SLC1A1: variants seen among roughly 807,000 people sequenced by gnomAD.
The protein encoded by SLC1A1 is solute carrier family 1 member 1.
A neutral mutation model predicts 53.3 loss-of-function variants in SLC1A1; 43 were observed. The ratio of observed to expected loss-of-function variants is 0.81; its 90% CI spans 0.63 to 1.04. SLC1A1 has a LOEUF of 1.04. SLC1A1 is among the 50% of genes least tolerant of loss of function. The pLI is 0.00. For synonymous variants in SLC1A1, 307 were observed against 243.2 expected (o/e 1.26, Z -2.44); for missense variants, 748 against 664.9 (o/e 1.12, Z -1.37).
chr9:4,575,982 T>A lies in SLC1A1; in HGVS notation c.876-19T>A, dbSNP rs373186368. 1.8e-5 allele frequency: 29 copies of A among 1,613,212 alleles called. No individual in the cohort carries two copies. Among genetic ancestry groups the A allele is most frequent in the Non-Finnish European group, 2.5e-5 (29 of 1,179,252 alleles). On this transcript the variant is annotated intron_variant, in intron 8 of 11. Transcript: ENST00000262352. ...GTGGTATTATCTTTGAAACTTTAATTTCTCTTTCTTGTTTACAGGCTTGCA... is the reference window on the plus strand; with the variant it reads ...GTGGTATTATCTTTGAAACTTTAATATCTCTTTCTTGTTTACAGGCTTGCA...
rs868772579 is a variant in SLC1A1 at position 4,537,588 on chromosome 9, T to A, written c.92-6979T>A. ...CTCAAAAAAATAAAATAAAATAAAA[T>A]AAAATAAAATAAAAAAAAAAAAAAT... On this transcript the variant is annotated intron_variant, in intron 1 of 11. Coordinates refer to ENST00000262352, the MANE Select transcript of SLC1A1 (RefSeq NM_004170.6). Among the ~76,000 whole-genome samples, 46 of 22,836 alleles carry A rather than the reference T, an allele frequency of 2.0e-3. 6 individuals are homozygous for A. Among genetic ancestry groups the A allele is most frequent in the African/African-American group, 2.8e-3 (15 of 5,298 alleles). 15.0% of individuals were successfully genotyped at this position (22,836 alleles called of 152,430 possible). A position where few individuals can be genotyped will look rare whatever the true frequency, so the allele number is the denominator to read the frequency against.
chr9:4,585,170 G>A, intron 11 of SLC1A1, 142 bp from the exon 12 acceptor site: 2 of 1,071,300 alleles, frequency 1.9e-6, no homozygotes, highest in Non-Finnish European at 1.4e-6. Context: ...CCTGTGAGGA[G>A]CCTTCAGTCA....
At chr9:4,510,764 T>C (rs560074333) in intron 1 of SLC1A1, among the ~76,000 whole-genome samples, 46 of 152,336 alleles carry the variant, frequency 3.0e-4, no homozygotes, top group African/African-American at 9.4e-4. Flanking sequence ...AACTCAGCCC[T>C]GAGTCAGAGC....
At chr9:4,527,667 T>C (rs1056543500) in intron 1 of SLC1A1, among the ~76,000 whole-genome samples, 1 of 152,182 alleles carries the variant, frequency 6.6e-6, no homozygotes, top group Admixed American at 6.5e-5. Context: ...TCTAAGCTTA[T>C]ATTACAAAAA....
intron 2 of SLC1A1, chr9:4,553,782 C>T (rs1818141650): frequency 6.6e-6 from 1 of 152,170 alleles, no homozygotes; most frequent in African/African-American, 2.4e-5. Flanking sequence ...TTAACATCAC[C>T]AAATAGCCTA....
intron 1 of SLC1A1, among the ~76,000 whole-genome samples, chr9:4,517,103 A>G (rs1319282906): frequency 6.6e-6 from 1 of 152,190 alleles, no homozygotes; most frequent in Non-Finnish European, 1.5e-5. Flanking sequence ...TAAATAAAAT[A>G]ACGTATTATA....
At chr9:4,555,042 T>C (rs896041417) in intron 2 of SLC1A1, among the ~76,000 whole-genome samples, 8 of 152,328 alleles carry the variant, frequency 5.3e-5, no homozygotes, top group African/African-American at 1.9e-4. Context: ...TCCTCACAAT[T>C]AACCTAAAGG....
chr9:4,508,612 A>G (rs1157265219), intron 1 of SLC1A1, among the ~76,000 whole-genome samples: 1 of 152,184 alleles, frequency 6.6e-6, no homozygotes, highest in East Asian at 1.9e-4. Flanking sequence ...GTTACTGGAG[A>G]GACTGTTTAT....
chr9:4,492,064 C>T (rs1444027819), intron 1 of SLC1A1, among the ~76,000 whole-genome samples: 4 of 152,122 alleles, frequency 2.6e-5, no homozygotes, highest in Non-Finnish European at 4.4e-5. Flanking sequence ...ATGGCCCTAG[C>T]AGAGGCTATT....
At chr9:4,567,973 T>A (rs1819646918) in intron 6 of SLC1A1, among the ~76,000 whole-genome samples, 1 of 152,182 alleles carries the variant, frequency 6.6e-6, no homozygotes. Context: ...AATATTTGAG[T>A]CACCCGACAG....
intron 2 of SLC1A1, among the ~76,000 whole-genome samples, chr9:4,558,992 C>A (rs1317364069): frequency 1.3e-5 from 2 of 152,160 alleles, no homozygotes; most frequent in Admixed American, 6.5e-5. Flanking sequence ...GAAACAGGCA[C>A]ATATTTTATA....
intron 5 of SLC1A1, 51 bp downstream of exon 5, chr9:4,566,140 ATTAAAAAT>A (rs1819466105): frequency 6.6e-7 from 1 of 1,505,842 alleles, no homozygotes; most frequent in African/African-American, 1.4e-5. Context: ...CCCATTATCA[ATTAAAAAT>A]GTTTTTTTCT....
At chr9:4,563,339 C>A (rs1819163846) in intron 3 of SLC1A1, among the ~76,000 whole-genome samples, 1 of 152,116 alleles carries the variant, frequency 6.6e-6, no homozygotes, top group Non-Finnish European at 1.5e-5. Flanking sequence ...ACCACATCAT[C>A]TCATGAGTTT....
At chr9:4,541,472 C>A (rs936433788) in intron 1 of SLC1A1, among the ~76,000 whole-genome samples, 2 of 152,106 alleles carry the variant, frequency 1.3e-5, no homozygotes, top group African/African-American at 4.8e-5. Flanking sequence ...TTTAACATTC[C>A]ATCCTAGTTA....
chr9:4,567,526 A>T (rs1014795651), intron 5 of SLC1A1, 143 bp from the exon 6 acceptor site: 9 of 679,092 alleles, frequency 1.3e-5, no homozygotes, highest in Non-Finnish European at 2.4e-5. Flanking sequence ...TACCGTTGAC[A>T]ACTGGAGCCA....
chr9:4,522,461 A>G (rs72687873), intron 1 of SLC1A1, among the ~76,000 whole-genome samples: 6,390 of 152,266 alleles, frequency 0.042, 167 homozygotes, highest in Middle Eastern at 0.068. Context: ...ATGGTTATTC[A>G]GCCTAATGTC....
intron 2 of SLC1A1, among the ~76,000 whole-genome samples, chr9:4,545,887 C>G (rs1237431420): frequency 6.6e-6 from 1 of 152,204 alleles, no homozygotes; most frequent in Non-Finnish European, 1.5e-5. Context: ...GTACTTAACT[C>G]TGGCAATTAG....
At position 4,576,649 on chromosome 9, in the gene SLC1A1, C is replaced by T. The variant is rs1820572304; in HGVS notation, c.1079C>T (p.Pro360Leu). 6.2e-7 allele frequency: 1 copy of T among 1,613,864 alleles called. No individual in the cohort carries two copies. Among genetic ancestry groups the T allele is most frequent in the Admixed American group, 1.7e-5 (1 of 60,008 alleles). The change falls in exon 10 of 12, where the codon CCC becomes CTC. Residue 360 changes from proline to leucine, a missense_variant. Coordinates refer to ENST00000262352, the MANE Select transcript of SLC1A1 (RefSeq NM_004170.6). ...VDKRITRFVL[P>L]VGATINMDGT... ...AAGAGGATCACTCGATTCGTGTTAC[C>T]CGTTGGTGCAACAATCAACATGGAT...
intron 10 of SLC1A1, among the ~76,000 whole-genome samples, chr9:4,580,269 A>G (rs1440729538): frequency 6.6e-6 from 1 of 151,950 alleles, no homozygotes; most frequent in Admixed American, 6.6e-5. Context: ...GAAAAGAAAA[A>G]GAAAGAAAGA....
Sources: allele counts gnomAD v4.1 joint callset (sites outside exome capture counted in the v4.1 genomes callset), GRCh38; gene constraint gnomAD v4.1.1; transcripts MANE v1.5; gene names NCBI Gene and HGNC (gene_info 2026-07-23, HGNC 2026-07-21).